The following CCSER1 variants were observed in gnomAD, a reference collection of about 807,000 sequenced individuals.
CCSER1 encodes the protein coiled-coil serine rich protein 1, also known as serine-rich coiled-coil domain-containing protein 1.
In CCSER1, 41 loss-of-function variants were observed where a neutral mutation model predicts 82.0. The observed-to-expected ratio is 0.50, with a 90% CI of 0.39 to 0.65. CCSER1 has a LOEUF of 0.65. Among genes scored for constraint, CCSER1 ranks in the 30% least tolerant of loss-of-function variants. The probability of loss-of-function intolerance (pLI) is 0.00; values close to 1 mark genes in which losing one functional copy is unlikely to be tolerated. For synonymous variants in CCSER1, 414 were observed against 383.9 expected, an observed-to-expected ratio of 1.08 and a Z score of -0.92; for missense variants, 1,119 against 1,064.2, an observed-to-expected ratio of 1.05 and a Z score of -0.72.
At chr4:90,315,263 G>C (rs1299258936) in intron 3 of CCSER1, among the ~76,000 whole-genome samples, 1 of 152,146 alleles carries the variant, frequency 6.6e-6, no homozygotes, top group African/African-American at 2.4e-5. Context: ...CTGTCCACTA[G>C]ATGGCAGAAA....
rs1167472932 is a variant in CCSER1 at position 91,424,001 on chromosome 4, C to CTTTTT, written c.2218-174549_2218-174545dup. On this transcript the variant is annotated intron_variant, in intron 10 of 10. Coordinates refer to ENST00000509176, the MANE Select transcript of CCSER1 (RefSeq NM_001145065.2). ...ATAACACTGTAAGAACTCAGCAGAT[C>CTTTTT]TTTTTTTTTTTTTTTTTTTTTTTTT... Among the ~76,000 whole-genome samples, 95 of 77,472 alleles carry CTTTTT rather than the reference C, an allele frequency of 1.2e-3. 12 individuals carry two copies. The highest frequency in any genetic ancestry group is 2.0e-3 in the African/African-American group (37 of 18,724). The allele number at this position is 77,472 out of a possible 152,430, so 50.8% of individuals were successfully genotyped here.
intron 10 of CCSER1, among the ~76,000 whole-genome samples, chr4:91,401,044 GA>G (rs1267979099): frequency 2.6e-5 from 4 of 151,650 alleles, no homozygotes; most frequent in African/African-American, 9.7e-5. Flanking sequence ...TTTTCTTCGA[GA>G]TAAAGAAAAT....
At chr4:90,722,495 CATA>C (rs1361357197) in intron 6 of CCSER1, among the ~76,000 whole-genome samples, 2 of 151,756 alleles carry the variant, frequency 1.3e-5, no homozygotes, top group African/African-American at 4.8e-5. Flanking sequence ...GTCAGCAATT[CATA>C]ATATTTCCTG....
At chr4:91,194,053 C>T (rs1735212897) in intron 10 of CCSER1, among the ~76,000 whole-genome samples, 1 of 152,026 alleles carries the variant, frequency 6.6e-6, no homozygotes, top group African/African-American at 2.4e-5. Flanking sequence ...CACTGCAACC[C>T]CTGTCTCCCG....
At chr4:90,409,607 C>A (rs191056194) in intron 4 of CCSER1, among the ~76,000 whole-genome samples, 52 of 152,262 alleles carry the variant, frequency 3.4e-4, no homozygotes, top group Admixed American at 2.6e-3. Context: ...ACCAGACCTG[C>A]CCTAAAAGTG....
intron 9 of CCSER1, among the ~76,000 whole-genome samples, chr4:90,983,998 CATT>C: frequency 6.6e-6 from 1 of 151,856 alleles, no homozygotes; most frequent in South Asian, 2.1e-4. Context: ...TTGAAGTAAA[CATT>C]ATGATACTTC....
intron 1 of CCSER1, among the ~76,000 whole-genome samples, chr4:90,132,905 A>G (rs892746237): frequency 2.0e-5 from 3 of 152,228 alleles, no homozygotes; most frequent in Non-Finnish European, 2.9e-5. Context: ...ATAAAGAAAC[A>G]GTTTATTATC....
intron 5 of CCSER1, among the ~76,000 whole-genome samples, chr4:90,568,672 G>A (rs185756987): frequency 5.2e-4 from 78 of 151,220 alleles, no homozygotes; most frequent in African/African-American, 1.8e-3. Context: ...TTATTGATAG[G>A]TAAGTACAAA....
intron 9 of CCSER1, among the ~76,000 whole-genome samples, chr4:91,082,454 A>G (rs1401637022): frequency 2.8e-4 from 43 of 152,152 alleles, no homozygotes; most frequent in Non-Finnish European, 3.7e-4. Context: ...AACCATTAAA[A>G]CCCTAGAAGA....
intron 4 of CCSER1, among the ~76,000 whole-genome samples, chr4:90,456,855 T>C (rs1762231695): frequency 6.6e-6 from 1 of 152,184 alleles, no homozygotes; most frequent in Non-Finnish European, 1.5e-5. Context: ...CAAAATGTCA[T>C]AGGATCCTCA....
At chr4:91,364,419 G>T (rs974898837) in intron 10 of CCSER1, among the ~76,000 whole-genome samples, 2 of 151,986 alleles carry the variant, frequency 1.3e-5, no homozygotes, top group Non-Finnish European at 2.9e-5. Flanking sequence ...GTAGTTAAAA[G>T]AATTCTTCTC....
intron 9 of CCSER1, among the ~76,000 whole-genome samples, chr4:91,043,657 C>T (rs1742180202): frequency 1.5e-5 from 2 of 129,378 alleles, no homozygotes; most frequent in Non-Finnish European, 3.1e-5. Flanking sequence ...GTGGTGTGAT[C>T]TCAGCTCACT....
At chr4:90,634,325 T>C (rs1348183734) in intron 6 of CCSER1, among the ~76,000 whole-genome samples, 2 of 151,742 alleles carry the variant, frequency 1.3e-5, no homozygotes, top group African/African-American at 4.8e-5. Flanking sequence ...ATTAAAGAGC[T>C]GGAATCTATT....
Position 91,019,057 on chromosome 4 carries a change from G to T in CCSER1, c.2173-66893G>T, listed in dbSNP as rs561041183. 2.8e-4 allele frequency among the ~76,000 whole-genome samples: 43 copies of T among 151,394 alleles called. 1 individual carries two copies. The highest frequency in any genetic ancestry group is 9.7e-4 in the African/African-American group (40 of 41,330). The stretch of plus-strand genomic sequence containing the variant: ...GCCTGACAATGTCTCTCAATAAGTG[G>T]TCATTAAATGAATGTCTAGAATGCT... On this transcript the variant is annotated intron_variant, in intron 9 of 10. Transcript: ENST00000509176.
intron 10 of CCSER1, among the ~76,000 whole-genome samples, chr4:91,476,670 T>TAAAA (rs1303139840): frequency 6.6e-6 from 1 of 151,038 alleles, no homozygotes; most frequent in African/African-American, 2.4e-5. Flanking sequence ...TTATAGTAAC[T>TAAAA]AAAATAGCAT....
intron 7 of CCSER1, among the ~76,000 whole-genome samples, chr4:90,736,814 T>A (rs1745726423): frequency 6.6e-6 from 1 of 152,072 alleles, no homozygotes; most frequent in African/African-American, 2.4e-5. Context: ...TAATTTTCTC[T>A]GGTGGTATGT....
chr4:91,190,473 C>T lies in CCSER1; in HGVS notation c.2217+104479C>T, dbSNP rs370492454. ...GTGTCTTATAACAAAACTGCAAATG[C>T]AGACAATCTAAGCCTTGCTCTTGAT... is the stretch of plus-strand genomic sequence containing the variant. On this transcript the variant is annotated intron_variant, in intron 10 of 10. Coordinates refer to ENST00000509176, the MANE Select transcript of CCSER1 (RefSeq NM_001145065.2). Among the ~76,000 whole-genome samples the T allele has an allele frequency of 5.3e-5, 8 of 152,238 alleles. No homozygotes were observed. In the East Asian group the frequency reaches 1.4e-3, roughly 26 times the overall value.
intron 10 of CCSER1, among the ~76,000 whole-genome samples, chr4:91,528,844 T>G (rs7658432): frequency 0.042 from 6,334 of 152,240 alleles, 279 homozygotes; most frequent in African/African-American, 0.11. Context: ...GAGAAAGTTA[T>G]GCAGAGTGGA....
chr4:90,297,019 A>G (rs1357156338), intron 1 of CCSER1, among the ~76,000 whole-genome samples: 1 of 152,088 alleles, frequency 6.6e-6, no homozygotes, highest in Non-Finnish European at 1.5e-5. Flanking sequence ...GTTTTTTCCA[A>G]TTCTGTGAAG....
Sources: allele counts gnomAD v4.1 joint callset (sites outside exome capture counted in the v4.1 genomes callset), GRCh38; gene constraint gnomAD v4.1.1; transcripts MANE v1.5; gene names NCBI Gene and HGNC (gene_info 2026-07-23, HGNC 2026-07-21).